The following NEU4 variants were observed in gnomAD, a reference collection of about 807,000 sequenced individuals.
NEU4 encodes the protein neuraminidase 4.
A neutral mutation model predicts 9.9 loss-of-function variants in NEU4; 7 were observed. The ratio of observed to expected loss-of-function variants is 0.71; its 90% confidence interval spans 0.40 to 1.33. The LOEUF (loss-of-function observed/expected upper bound fraction) is 1.33, where lower values mean the gene tolerates loss of function less well. Ranked by LOEUF, NEU4 falls within the 40% of genes most tolerant of loss-of-function variation. The probability of loss-of-function intolerance (pLI) is 0.01; values close to 1 mark genes in which losing one functional copy is unlikely to be tolerated. For synonymous variants in NEU4, 348 were observed against 316.9 expected, an observed-to-expected ratio of 1.10 and a Z score of -1.04; for missense variants, 717 against 712.6, an observed-to-expected ratio of 1.01 and a Z score of -0.07.
At chr2:241,811,338 T>C (rs1700106465) in intron 1 of NEU4, 4 of 1,410,472 alleles carry the variant, frequency 2.8e-6, no homozygotes, top group Non-Finnish European at 2.8e-6. Flanking sequence ...TCCAGGGTCC[T>C]GACGTAGCCC....
intron 1 of NEU4, chr2:241,811,064 C>T (rs914175447): frequency 7.1e-6 from 8 of 1,125,278 alleles, no homozygotes; most frequent in East Asian, 4.6e-5. Context: ...TGTGCACTCA[C>T]GGAGCCCTCC....
At chr2:241,815,979 CCT>C in intron 3 of NEU4, 70 bp from the exon 4 acceptor site, 11 of 1,432,334 alleles carry the variant, frequency 7.7e-6, no homozygotes, top group Non-Finnish European at 1.0e-5. Context: ...TCCCCGTCCC[CCT>C]GTGCCTTCCT....
intron 1 of NEU4, chr2:241,813,672 C>G: frequency 1.8e-6 from 1 of 551,914 alleles, no homozygotes; most frequent in Middle Eastern, 3.2e-4. Context: ...CTTCTCAGGT[C>G]AGGGCCCTGC....
At chr2:241,815,913 C>G (rs577706771) in intron 3 of NEU4, 138 bp from the exon 4 acceptor site, 1 of 848,722 alleles carries the variant, frequency 1.2e-6, no homozygotes, top group South Asian at 1.8e-5. Flanking sequence ...TGGGATGAGT[C>G]GTGTGGAAGG....
rs920176159 is a variant in NEU4, at chr2:241,814,523, C to T, written c.39C>T (p.Phe13=). 29 of 1,611,026 alleles carry T rather than the reference C, an allele frequency of 1.8e-5. No individual in the cohort carries two copies. Among genetic ancestry groups the T allele is most frequent in the South Asian group, 5.5e-5 (5 of 90,954 alleles). ...VPRTPSRTVL[F]ERERTGLTYR... ...GTACCCCTTCACGGACAGTGCTCTT[C>T]GAGCGGGAGAGGACGGGCCTGACCT... Residue 13 remains phenylalanine, a synonymous_variant, in exon 2 of 4, where the codon TTC becomes TTT. Transcript: ENST00000407683.
chr2:241,816,187 C>T lies in NEU4; in HGVS notation c.594C>T (p.Phe198=), dbSNP rs200996368. Residue 198 remains phenylalanine (F), a synonymous_variant, in exon 4 of 4, where the codon TTC becomes TTT. Coordinates refer to ENST00000407683, the MANE Select transcript of NEU4 (RefSeq NM_001167600.3). ...GKICRTSPHS[F]AFYSDDHGRT... The stretch of plus-strand genomic sequence containing the variant: ...TCTGCCGGACCAGCCCTCACTCCTT[C>T]GCCTTCTACAGCGATGACCACGGCC... 103 of 1,612,682 alleles carry T rather than the reference C, an allele frequency of 6.4e-5. No individual in the cohort carries two copies. In the Middle Eastern group the frequency reaches 8.2e-4, roughly 13 times the overall value.
intron 1 of NEU4, among the ~76,000 whole-genome samples, chr2:241,812,170 C>T (rs1700138333): frequency 6.6e-6 from 1 of 151,138 alleles, no homozygotes; most frequent in African/African-American, 2.4e-5. Context: ...TCTTGGGGCA[C>T]CCACACAGGA....
Position 241,817,097 on chromosome 2 carries a change from G to C in NEU4, c.*49G>C. ...CCCCTTGGGTGCCTGGGGCAGAGGG[G>C]TGGAATACGTTGGGGTGCCCCACGA... On this transcript the variant is annotated 3_prime_UTR_variant, in exon 4 of 4. Coordinates refer to ENST00000407683, the MANE Select transcript of NEU4 (RefSeq NM_001167600.3). The C allele has an allele frequency of 6.7e-7, 1 of 1,484,668 alleles. No individual in the cohort carries two copies. The highest frequency in any genetic ancestry group is 8.9e-7 in the Non-Finnish European group (1 of 1,121,200). 92.0% of individuals were successfully genotyped at this position (1,484,668 alleles called of 1,614,324 possible). A position where few individuals can be genotyped will look rare whatever the true frequency, so the allele number is the denominator to read the frequency against.
rs1399521942 is a variant in NEU4 at position 241,816,236 on chromosome 2, G to A, written c.643G>A (p.Val215Met). 5.6e-6 allele frequency: 9 copies of A among 1,611,246 alleles called. No individual in the cohort carries two copies. Among genetic ancestry groups the A allele is most frequent in the African/African-American group, 1.3e-5 (1 of 74,998 alleles). ...CCGCACCTGGCGCTGTGGAGGCCTCGTGCCCAACCTGCGCTCAGGCGAGTG... is the reference window on the plus strand; with the variant it reads ...CCGCACCTGGCGCTGTGGAGGCCTCATGCCCAACCTGCGCTCAGGCGAGTG... ...HGRTWRCGGL[V>M]PNLRSGECQL... The change falls in exon 4 of 4, where the codon GTG becomes ATG. Residue 215 changes from valine (V) to methionine (M), a missense_variant. Transcript: ENST00000407683.
At chr2:241,809,413 G>C (rs1049891299) in intron 1 of NEU4, 139 bp downstream of exon 1, 1 of 414,432 alleles carries the variant, frequency 2.4e-6, no homozygotes, top group African/African-American at 2.1e-5. Flanking sequence ...ACGTCGTGCA[G>C]CCCATAAAAG....
intron 1 of NEU4, 60 bp downstream of exon 1, chr2:241,809,334 T>C: frequency 9.8e-7 from 1 of 1,023,302 alleles, no homozygotes; most frequent in Non-Finnish European, 1.3e-6. Context: ...TGTGTGTAGT[T>C]TGCAGTAGAG....
intron 1 of NEU4, among the ~76,000 whole-genome samples, chr2:241,810,106 C>T (rs1292148644): frequency 6.6e-6 from 1 of 152,172 alleles, no homozygotes; most frequent in African/African-American, 2.4e-5. Flanking sequence ...CACCCACCTG[C>T]CCCTGCCCCA....
Position 241,815,050 on chromosome 2 carries a change from C to T in NEU4, c.360C>T (p.Asn120=), listed in dbSNP as rs146496787. 4.7e-3 allele frequency: 7,495 copies of T among 1,590,026 alleles called. 32 individuals are homozygous for T. Among genetic ancestry groups the T allele is most frequent in the South Asian group, 0.01 (906 of 89,454 alleles). ...PEAVQIATGR[N]AARLCCVASR... is the part of the protein sequence containing the mutation. ...CCGTGCAGATCGCCACGGGAAGGAA[C>T]GCCGCGCGCCTCTGCTGTGTGGCCA... The change falls in exon 3 of 4, where the codon AAC becomes AAT. Residue 120 remains asparagine, a synonymous_variant. Transcript: ENST00000407683.
rs770286994 is a variant in NEU4 at position 241,816,180 on chromosome 2, A to C, written c.587A>C (p.His196Pro). Residue 196 changes from histidine (H) to proline (P), a missense_variant, in exon 4 of 4, where the codon CAC becomes CCC. Coordinates refer to ENST00000407683, the MANE Select transcript of NEU4 (RefSeq NM_001167600.3). ...GGCAAGATCTGCCGGACCAGCCCTC[A>C]CTCCTTCGCCTTCTACAGCGATGAC... ...CFGKICRTSP[H>P]SFAFYSDDHG... 5 of 1,612,144 alleles carry C rather than the reference A, an allele frequency of 3.1e-6. No individual in the cohort carries two copies. The highest frequency in any genetic ancestry group is 4.2e-6 in the Non-Finnish European group (5 of 1,179,704).
At chr2:241,811,759 G>T (rs1410954987) in intron 1 of NEU4, 8 of 365,466 alleles carry the variant, frequency 2.2e-5, no homozygotes, top group Non-Finnish European at 2.9e-5. Context: ...TTCAGGGCAT[G>T]GGATGGAGAC....
intron 1 of NEU4, 106 bp from the exon 2 acceptor site, chr2:241,814,376 A>C: frequency 3.7e-6 from 4 of 1,066,770 alleles, no homozygotes; most frequent in Non-Finnish European, 4.2e-6. Flanking sequence ...AGGTGTGGGC[A>C]GGAGCTGTCT....
At position 241,816,610 on chromosome 2, in the gene NEU4, TC is replaced by T; in HGVS notation, c.1018del (p.Arg340GlyfsTer57). The T allele has an allele frequency of 3.2e-6, 5 of 1,581,098 alleles. No homozygotes were observed. The highest frequency in any genetic ancestry group is 4.3e-6 in the Non-Finnish European group (5 of 1,165,800). On this transcript the variant is annotated frameshift_variant, in exon 4 of 4. Coordinates refer to ENST00000407683, the MANE Select transcript of NEU4 (RefSeq NM_001167600.3). LOFTEE classifies it low-confidence loss of function (END_TRUNC). ...GTGGGCCCTTCAGCCGTCTGCAGCC[TC>T]GGGGGGATGGCCCCAGGCAGCCTGG... ...PGGPFSRLQPRGDGPRQPGPR... is the reference protein window; with the variant it reads ...PGGPFSRLQPXGDGPRQPGPR...
At chr2:241,813,593 C>A in intron 1 of NEU4, 1 of 1,214,774 alleles carries the variant, frequency 8.2e-7, no homozygotes, top group Non-Finnish European at 1.1e-6. Flanking sequence ...GTGGGTGTTG[C>A]CTGGGAGCAA....
Position 241,809,314 on chromosome 2 carries a change from G to A in NEU4, c.-4+40G>A, listed in dbSNP as rs79337148. The A allele has an allele frequency of 1.6e-3, 1,902 of 1,176,184 alleles. 25 individuals are homozygous for A. In the African/African-American group the frequency reaches 0.023, roughly 14 times the overall value. 72.9% of individuals were successfully genotyped at this position (1,176,184 alleles called of 1,614,324 possible). On this transcript the variant is annotated intron_variant, in intron 1 of 3. Coordinates refer to ENST00000407683, the MANE Select transcript of NEU4 (RefSeq NM_001167600.3). ...AATAGAAATTTGGGGTCTTTCTGGCGACGTAAAACTGTGTGTAGTTTGCAG... is the reference window on the plus strand; with the variant it reads ...AATAGAAATTTGGGGTCTTTCTGGCAACGTAAAACTGTGTGTAGTTTGCAG...
Sources: gnomAD v4.1 joint callset for allele counts (sites outside exome capture counted in the v4.1 genomes callset) on GRCh38, gnomAD v4.1.1 for gene constraint, MANE v1.5 for transcripts, NCBI Gene and HGNC (gene_info 2026-07-23, HGNC 2026-07-21) for gene names.